The following ADAD1 variants were observed in gnomAD, a reference collection of about 807,000 sequenced individuals.
ADAD1 encodes the protein adenosine deaminase domain containing 1, also known as adenosine deaminase domain-containing protein 1.
Under a neutral mutation model 66.8 loss-of-function variants are expected in ADAD1, and 46 were observed. That is an observed-to-expected ratio of 0.69 (90% CI 0.54 to 0.88). The LOEUF is 0.88. Among genes scored for constraint, ADAD1 ranks in the 40% least tolerant of loss-of-function variants. The pLI, the probability that ADAD1 is intolerant of heterozygous loss-of-function variation, is 0.00. For missense variants in ADAD1, 617 were observed against 681.8 expected, an observed-to-expected ratio of 0.91 and a Z score of 1.06; for synonymous variants, 248 against 229.4, an observed-to-expected ratio of 1.08 and a Z score of -0.73.
chr4:122,383,075 G>C (rs967510032), intron 4 of ADAD1, among the ~76,000 whole-genome samples: 1 of 152,180 alleles, frequency 6.6e-6, no homozygotes, highest in African/African-American at 2.4e-5. Flanking sequence ...TCAAACAGAA[G>C]AATCTTTGAC....
At chr4:122,406,690 A>C (rs1796228031) in intron 7 of ADAD1, among the ~76,000 whole-genome samples, 1 of 151,866 alleles carries the variant, frequency 6.6e-6, no homozygotes, top group East Asian at 1.9e-4. Flanking sequence ...CCTTCACCCC[A>C]CTTACTAGAT....
intron 10 of ADAD1, among the ~76,000 whole-genome samples, chr4:122,414,246 T>C (rs1796609952): frequency 7.2e-6 from 1 of 139,490 alleles, no homozygotes; most frequent in Non-Finnish European, 1.6e-5. Context: ...TGTTTTTTTT[T>C]TCTTCCTTTT....
At chr4:122,395,975 T>C (rs1347169918) in intron 6 of ADAD1, among the ~76,000 whole-genome samples, 2 of 152,238 alleles carry the variant, frequency 1.3e-5, no homozygotes, top group Admixed American at 6.5e-5. Context: ...TGTATGACTT[T>C]TGAATATATC....
chr4:122,398,317 GGTGTGTGTGTGTGT>G (rs112075307), intron 7 of ADAD1, among the ~76,000 whole-genome samples: 1 of 148,578 alleles, frequency 6.7e-6, no homozygotes, highest in Non-Finnish European at 1.5e-5. Flanking sequence ...AGTATTCCAG[GGTGTGTGTGTGTGT>G]GTGTGTGTGT....
chr4:122,415,029 A>C (rs1796662792), intron 10 of ADAD1, among the ~76,000 whole-genome samples: 2 of 152,142 alleles, frequency 1.3e-5, no homozygotes, highest in Non-Finnish European at 2.9e-5. Context: ...TACTTGCAAG[A>C]AATCAGCATA....
intron 12 of ADAD1, among the ~76,000 whole-genome samples, chr4:122,425,697 ATAAT>A (rs1437677794): frequency 6.6e-6 from 1 of 152,012 alleles, no homozygotes; most frequent in African/African-American, 2.4e-5. Flanking sequence ...GGTATTATAA[ATAAT>A]CTAGGGATGA....
rs35990460 is a variant in ADAD1 at position 122,414,275 on chromosome 4, TGG to T, written c.1250-1094_1250-1093del. ...TCCTTTTTCCAAATGTCTTTTTTTT[TGG>T]GGGGGGGGGTACAACTACTGTCATT... On this transcript the variant is annotated intron_variant, in intron 10 of 12. Transcript: ENST00000296513. Among the ~76,000 whole-genome samples, 20 of 93,270 alleles carry T rather than the reference TGG, an allele frequency of 2.1e-4. 1 individual carries two copies. The highest frequency in any genetic ancestry group is 8.2e-3 in the Middle Eastern group (1 of 122). 61.2% of individuals were successfully genotyped at this position (93,270 alleles called of 152,430 possible).
intron 5 of ADAD1, among the ~76,000 whole-genome samples, chr4:122,385,139 TCTC>T (rs1207566929): frequency 1.1e-4 from 17 of 152,180 alleles, no homozygotes; most frequent in Non-Finnish European, 1.5e-4. Context: ...TTTCTAGTCT[TCTC>T]CTTCTTATTC....
At chr4:122,400,116 T>G (rs1795902092) in intron 7 of ADAD1, among the ~76,000 whole-genome samples, 1 of 152,044 alleles carries the variant, frequency 6.6e-6, no homozygotes, top group South Asian at 2.1e-4. Flanking sequence ...AACATTTCCC[T>G]GTTCAGTATA....
intron 7 of ADAD1, among the ~76,000 whole-genome samples, chr4:122,398,317 G>GGTGTGTGTGTGTGT (rs112075307): frequency 6.7e-6 from 1 of 148,580 alleles, no homozygotes; most frequent in Admixed American, 6.7e-5. Flanking sequence ...AGTATTCCAG[G>GGTGTGTGTGTGTGT]GTGTGTGTGT....
At chr4:122,405,968 A>G (rs538425139) in intron 7 of ADAD1, among the ~76,000 whole-genome samples, 130 of 152,148 alleles carry the variant, frequency 8.5e-4, no homozygotes, top group Middle Eastern at 3.4e-3. Context: ...TGGTTTCTTT[A>G]TCTGTTCCTT....
rs1387388296 is a variant in ADAD1, at chr4:122,407,947, A to T, written c.764A>T (p.Tyr255Phe). 6.2e-7 allele frequency: 1 copy of T among 1,613,844 alleles called. No individual in the cohort carries two copies. The highest frequency in any genetic ancestry group is 1.3e-5 in the African/African-American group (1 of 75,044). Residue 255 changes from tyrosine to phenylalanine, a missense_variant, in exon 8 of 13, where the codon TAC becomes TTC. Physicochemically the swap from Tyr to Phe is conservative, Grantham distance 22 (BLOSUM62 3). Transcript: ENST00000296513. ...HEVVAIGTGE[Y>F]NYSQDIKPDG... ...GTTGTAGCTATAGGCACAGGTGAAT[A>T]CAATTACAGCCAGGACATTAAGCCA...
chr4:122,405,718 T>C lies in ADAD1; in HGVS notation c.725-2190T>C, dbSNP rs139743436. The stretch of plus-strand genomic sequence containing the variant: ...TTTTACAACTCCAAGTTTGTACCCT[T>C]TGATCAATGTGTCTCCATTTCCCCT... On this transcript the variant is annotated intron_variant, in intron 7 of 12. Transcript: ENST00000296513. 2.3e-4 allele frequency among the ~76,000 whole-genome samples: 35 copies of C among 152,306 alleles called. No homozygotes were observed. The East Asian group carries it at 6.6e-3, about 29-fold the overall frequency.
intron 5 of ADAD1, among the ~76,000 whole-genome samples, chr4:122,391,281 C>T (rs898297001): frequency 3.9e-5 from 6 of 152,088 alleles, no homozygotes; most frequent in South Asian, 2.1e-4. Flanking sequence ...AACCTGATGC[C>T]GGTAGGATCA....
intron 11 of ADAD1, 130 bp downstream of exon 11, chr4:122,415,746 G>C: frequency 4.7e-6 from 4 of 849,020 alleles, no homozygotes; most frequent in Non-Finnish European, 7.2e-6. Context: ...CATTAGTCAA[G>C]TGTGACTATG....
chr4:122,414,965 T>C (rs1373434857), intron 10 of ADAD1, among the ~76,000 whole-genome samples: 1 of 87,814 alleles, frequency 1.1e-5, no homozygotes, highest in Admixed American at 1.3e-4. Context: ...GGCCCTTAGA[T>C]GTTTGAAAGT....
At chr4:122,385,356 T>TC (rs1199488099) in intron 5 of ADAD1, among the ~76,000 whole-genome samples, 2 of 152,126 alleles carry the variant, frequency 1.3e-5, no homozygotes, top group African/African-American at 4.8e-5. Context: ...CACTGCAACC[T>TC]CCCCCTCCCG....
At chr4:122,380,889 GT>G in intron 3 of ADAD1, 102 bp from the exon 4 acceptor site, 2 of 1,031,242 alleles carry the variant, frequency 1.9e-6, no homozygotes, top group Non-Finnish European at 2.8e-6. Flanking sequence ...ATATGATGAA[GT>G]GTATCTGGGA....
chr4:122,396,192 A>G (rs902775718), intron 6 of ADAD1, 60 bp from the exon 7 acceptor site: 28 of 1,373,740 alleles, frequency 2.0e-5, no homozygotes, highest in Non-Finnish European at 2.7e-5. Context: ...AATAAGAATA[A>G]TAAGACAGCT....
Sources: gnomAD v4.1 joint callset for allele counts (sites outside exome capture counted in the v4.1 genomes callset) on GRCh38, gnomAD v4.1.1 for gene constraint, MANE v1.5 for transcripts, NCBI Gene and HGNC (gene_info 2026-07-23, HGNC 2026-07-21) for gene names.